Variants in MSRA observed in about 807,000 individuals in gnomAD.
The protein encoded by MSRA is methionine sulfoxide reductase A.
In MSRA, 54 loss-of-function variants were observed where a neutral mutation model predicts 31.3. The ratio of observed to expected loss-of-function variants is 1.73; its 90% CI spans 1.39 to 2.17. MSRA has a LOEUF of 2.17. Among genes scored for constraint, MSRA ranks in the 30% most tolerant of loss-of-function variants. The pLI, the probability that MSRA is intolerant of heterozygous loss-of-function variation, is 0.00. For missense variants in MSRA, 507 were observed against 300.9 expected, an observed-to-expected ratio of 1.69 and a Z score of -5.07; for synonymous variants, 169 against 116.5, an observed-to-expected ratio of 1.45 and a Z score of -2.90.
chr8:10,156,226 G>T (rs1804142599), intron 1 of MSRA, among the ~76,000 whole-genome samples: 1 of 152,198 alleles, frequency 6.6e-6, no homozygotes, highest in Non-Finnish European at 1.5e-5. Context: ...AAACAAAATG[G>T]CTATAAAGGA....
intron 1 of MSRA, among the ~76,000 whole-genome samples, chr8:10,069,386 C>G (rs1000436461): frequency 6.6e-6 from 1 of 152,156 alleles, no homozygotes; most frequent in African/African-American, 2.4e-5. Context: ...ATGATATTAG[C>G]TCTGGATTTT....
At chr8:10,161,413 A>G (rs557323627) in intron 1 of MSRA, among the ~76,000 whole-genome samples, 6 of 152,108 alleles carry the variant, frequency 3.9e-5, no homozygotes, top group Admixed American at 1.3e-4. Flanking sequence ...AGCACTGCTG[A>G]ATTTGATTTA....
At chr8:10,252,014 T>A (rs1797943586) in intron 3 of MSRA, among the ~76,000 whole-genome samples, 1 of 152,140 alleles carries the variant, frequency 6.6e-6, no homozygotes, top group Admixed American at 6.5e-5. Flanking sequence ...GGTAATGATG[T>A]TTGAACTCGG....
At chr8:10,181,957 G>T (rs1563190191) in intron 1 of MSRA, among the ~76,000 whole-genome samples, 1 of 152,148 alleles carries the variant, frequency 6.6e-6, no homozygotes, top group African/African-American at 2.4e-5. Context: ...GATTAAGTAA[G>T]AAATTTTTTT....
At chr8:10,352,446 A>T (rs1461322802) in intron 5 of MSRA, among the ~76,000 whole-genome samples, 1 of 152,144 alleles carries the variant, frequency 6.6e-6, no homozygotes. Flanking sequence ...GTTGAAGAGG[A>T]GGCAGGGAGG....
intron 5 of MSRA, among the ~76,000 whole-genome samples, chr8:10,374,096 G>C (rs976004859): frequency 7.2e-5 from 11 of 152,206 alleles, no homozygotes; most frequent in Non-Finnish European, 1.3e-4. Flanking sequence ...CTGATTGATC[G>C]AGAAGTCAAG....
At chr8:10,134,116 G>T (rs1802092535) in intron 1 of MSRA, among the ~76,000 whole-genome samples, 1 of 152,182 alleles carries the variant, frequency 6.6e-6, no homozygotes, top group Non-Finnish European at 1.5e-5. Flanking sequence ...ACAGGTGTGA[G>T]CCACTGTGCC....
At chr8:10,371,501 T>C (rs1486683317) in intron 5 of MSRA, among the ~76,000 whole-genome samples, 1 of 152,158 alleles carries the variant, frequency 6.6e-6, no homozygotes, top group Non-Finnish European at 1.5e-5. Flanking sequence ...TTCTCAGGTT[T>C]TTGCCTGCAT....
At chr8:10,056,672 AG>A (rs1479931186) in intron 1 of MSRA, among the ~76,000 whole-genome samples, 1 of 152,158 alleles carries the variant, frequency 6.6e-6, no homozygotes, top group African/African-American at 2.4e-5. Context: ...GGTTGCTGAA[AG>A]CCCTGACTGG....
intron 3 of MSRA, among the ~76,000 whole-genome samples, chr8:10,267,182 A>G (rs1302092742): frequency 1.3e-5 from 2 of 152,190 alleles, no homozygotes; most frequent in Non-Finnish European, 2.9e-5. Flanking sequence ...TAATTATGGT[A>G]CTTTAGATTT....
chr8:10,095,979 G>T (rs913000044), intron 1 of MSRA: 4 of 1,396,588 alleles, frequency 2.9e-6, no homozygotes, highest in African/African-American at 1.5e-5. Context: ...AATAAAGTTT[G>T]TTCATCAATA....
chr8:10,257,275 A>G (rs566955582), intron 3 of MSRA, among the ~76,000 whole-genome samples: 75 of 152,298 alleles, frequency 4.9e-4, no homozygotes, highest in Non-Finnish European at 4.7e-4. Flanking sequence ...CGTCTCCACA[A>G]AAAACAGTGT....
At chr8:10,422,452 G>A (rs1808869928) in intron 5 of MSRA, among the ~76,000 whole-genome samples, 1 of 152,204 alleles carries the variant, frequency 6.6e-6, no homozygotes. Context: ...TGGGGTCATT[G>A]AGGAAGAGTC....
chr8:10,215,483 G>A (rs1031392358), intron 2 of MSRA, among the ~76,000 whole-genome samples: 3 of 152,242 alleles, frequency 2.0e-5, no homozygotes, highest in Non-Finnish European at 4.4e-5. Flanking sequence ...CTCTGGGTGA[G>A]CTGTGATCAA....
At chr8:10,055,126 G>A (rs1802267940) in intron 1 of MSRA, among the ~76,000 whole-genome samples, 1 of 151,772 alleles carries the variant, frequency 6.6e-6, no homozygotes, top group Non-Finnish European at 1.5e-5. Context: ...ACGAGACGAT[G>A]AAAACCTTAA....
chr8:10,100,326 T>G (rs1799449360), intron 1 of MSRA, among the ~76,000 whole-genome samples: 1 of 151,882 alleles, frequency 6.6e-6, no homozygotes. Flanking sequence ...TCCAAGGCGG[T>G]GAGGGGCTGG....
intron 5 of MSRA, among the ~76,000 whole-genome samples, chr8:10,420,467 A>G (rs1193419156): frequency 6.6e-6 from 1 of 152,218 alleles, no homozygotes; most frequent in Non-Finnish European, 1.5e-5. Context: ...TAAAACAACA[A>G]ATACGTCTTA....
chr8:10,209,051 C>A (rs927021788), intron 2 of MSRA, among the ~76,000 whole-genome samples: 7 of 152,206 alleles, frequency 4.6e-5, no homozygotes, highest in Non-Finnish European at 1.0e-4. Context: ...GTTGGTAAAT[C>A]ATGCTCTGTG....
At chr8:10,245,282 T>C (rs1797564618) in intron 3 of MSRA, 59 bp downstream of exon 3, 2 of 1,490,402 alleles carry the variant, frequency 1.3e-6, no homozygotes, top group Non-Finnish European at 1.8e-6. Context: ...TTGTCACTAC[T>C]GTTGGGTGAC....
Sources: gnomAD v4.1 joint callset for allele counts (sites outside exome capture counted in the v4.1 genomes callset) on GRCh38, gnomAD v4.1.1 for gene constraint, MANE v1.5 for transcripts, NCBI Gene and HGNC (gene_info 2026-07-23, HGNC 2026-07-21) for gene names.